KCNIP4: variants seen among roughly 807,000 people sequenced by gnomAD.
The protein encoded by KCNIP4 is potassium voltage-gated channel interacting protein 4.
A neutral mutation model predicts 34.0 loss-of-function variants in KCNIP4; 12 were observed. That is an observed-to-expected ratio of 0.35 (90% CI 0.23 to 0.57). The LOEUF (loss-of-function observed/expected upper bound fraction) is 0.57, where lower values mean the gene tolerates loss of function less well. KCNIP4 is among the 20% of genes least tolerant of loss of function. The probability of loss-of-function intolerance (pLI) is 0.83; values close to 1 mark genes in which losing one functional copy is unlikely to be tolerated. For missense variants in KCNIP4, 238 were observed against 311.7 expected, an observed-to-expected ratio of 0.76 and a Z score of 1.78; for synonymous variants, 124 against 102.2, an observed-to-expected ratio of 1.21 and a Z score of -1.29.
At chr4:21,553,295 C>T (rs1487970109) in intron 1 of KCNIP4, among the ~76,000 whole-genome samples, 1 of 152,102 alleles carries the variant, frequency 6.6e-6, no homozygotes, top group African/African-American at 2.4e-5. Context: ...GTGTTAATCT[C>T]CGTTCCGTAA....
intron 1 of KCNIP4, among the ~76,000 whole-genome samples, chr4:21,214,684 A>G (rs1277021405): frequency 1.3e-5 from 2 of 152,134 alleles, no homozygotes; most frequent in Non-Finnish European, 2.9e-5. Context: ...TATATGTTAA[A>G]CCTCTTAATA....
At chr4:21,443,232 GC>G (rs920193928) in intron 1 of KCNIP4, among the ~76,000 whole-genome samples, 82 of 152,118 alleles carry the variant, frequency 5.4e-4, no homozygotes, top group African/African-American at 1.9e-3. Flanking sequence ...TCTGTGCAGA[GC>G]CTCCACTAGC....
intron 1 of KCNIP4, among the ~76,000 whole-genome samples, chr4:21,620,687 A>T (rs935771592): frequency 1.2e-4 from 19 of 152,232 alleles, no homozygotes; most frequent in Non-Finnish European, 2.4e-4. Context: ...AATCAGCCCT[A>T]GCTAAGTTTC....
At chr4:20,998,145 TAATC>T (rs1737736609) in intron 1 of KCNIP4, among the ~76,000 whole-genome samples, 1 of 152,086 alleles carries the variant, frequency 6.6e-6, no homozygotes, top group Non-Finnish European at 1.5e-5. Context: ...AAAGAGCAAA[TAATC>T]AACCTTCCAG....
intron 5 of KCNIP4, among the ~76,000 whole-genome samples, chr4:20,743,894 A>T (rs1751777683): frequency 6.6e-6 from 1 of 151,992 alleles, no homozygotes; most frequent in Admixed American, 6.6e-5. Flanking sequence ...TAATATCCAG[A>T]ATCTACAAAG....
chr4:20,882,776 T>TA, intron 1 of KCNIP4, 67 bp from the exon 2 acceptor site: 1 of 1,281,056 alleles, frequency 7.8e-7, no homozygotes, highest in Non-Finnish European at 1.1e-6. Flanking sequence ...CTGCAGGGTT[T>TA]ATCAGAGAAG....
intron 1 of KCNIP4, among the ~76,000 whole-genome samples, chr4:20,917,195 G>T (rs914090486): frequency 6.6e-6 from 1 of 150,552 alleles, no homozygotes; most frequent in African/African-American, 2.4e-5. Flanking sequence ...CCACCACCAC[G>T]CCCAGCTAAT....
At chr4:21,142,172 CA>C (rs1752016108) in intron 1 of KCNIP4, among the ~76,000 whole-genome samples, 1 of 147,172 alleles carries the variant, frequency 6.8e-6, no homozygotes, top group Non-Finnish European at 1.5e-5. Flanking sequence ...AAAAAAAACC[CA>C]AAAAACAAAC....
chr4:21,143,544 A>G (rs769818900), intron 1 of KCNIP4, among the ~76,000 whole-genome samples: 1 of 151,272 alleles, frequency 6.6e-6, no homozygotes, highest in Non-Finnish European at 1.5e-5. Flanking sequence ...CCCAGTGGTA[A>G]AGGCAGCTGA....
intron 1 of KCNIP4, among the ~76,000 whole-genome samples, chr4:21,662,043 T>G (rs1748493992): frequency 6.6e-6 from 1 of 152,154 alleles, no homozygotes; most frequent in Non-Finnish European, 1.5e-5. Flanking sequence ...CCAAAGTGCC[T>G]TTTCAGAAAG....
intron 1 of KCNIP4, among the ~76,000 whole-genome samples, chr4:21,413,972 A>C (rs935359204): frequency 6.6e-6 from 1 of 152,214 alleles, no homozygotes; most frequent in Non-Finnish European, 1.5e-5. Flanking sequence ...TTTTATGTCC[A>C]TTCATTTATT....
chr4:21,352,859 C>T (rs1718160661), intron 1 of KCNIP4, among the ~76,000 whole-genome samples: 1 of 152,196 alleles, frequency 6.6e-6, no homozygotes. Context: ...AACTGGGAGA[C>T]ACCTCCCAGT....
intron 2 of KCNIP4, among the ~76,000 whole-genome samples, chr4:20,879,392 G>A (rs1724432416): frequency 6.6e-6 from 1 of 152,200 alleles, no homozygotes; most frequent in African/African-American, 2.4e-5. Context: ...TTGAAGCCAT[G>A]TGTGTTGCTT....
At chr4:20,898,719 A>G (rs1726829370) in intron 1 of KCNIP4, among the ~76,000 whole-genome samples, 2 of 152,218 alleles carry the variant, frequency 1.3e-5, no homozygotes, top group African/African-American at 2.4e-5. Flanking sequence ...GTAAACTGTA[A>G]GGATGTGGTT....
intron 1 of KCNIP4, among the ~76,000 whole-genome samples, chr4:21,519,821 A>G (rs1170810367): frequency 6.9e-6 from 1 of 144,728 alleles, no homozygotes. Flanking sequence ...GTGTGTGTAT[A>G]CACACGTGTG....
At chr4:21,040,621 C>G (rs1741870331) in intron 1 of KCNIP4, among the ~76,000 whole-genome samples, 1 of 152,102 alleles carries the variant, frequency 6.6e-6, no homozygotes, top group South Asian at 2.1e-4. Context: ...ATAAAACCTT[C>G]CTTCTTTACT....
intron 1 of KCNIP4, among the ~76,000 whole-genome samples, chr4:21,885,392 G>T (rs1726706617): frequency 6.6e-6 from 1 of 151,962 alleles, no homozygotes; most frequent in Non-Finnish European, 1.5e-5. Flanking sequence ...GTAGTATTTT[G>T]CTTCATTGTT....
intron 1 of KCNIP4, among the ~76,000 whole-genome samples, chr4:21,060,341 T>A (rs556972980): frequency 6.6e-6 from 1 of 151,746 alleles, no homozygotes; most frequent in East Asian, 1.9e-4. Flanking sequence ...GTAGATAATA[T>A]CTTGCGGTTA....
chr4:21,816,483 A>G (rs1316855715), intron 1 of KCNIP4, among the ~76,000 whole-genome samples: 2 of 152,286 alleles, frequency 1.3e-5, no homozygotes, highest in Middle Eastern at 3.4e-3. Context: ...CCACCAGGAG[A>G]ACTTCAAAAG....
Sources: allele counts gnomAD v4.1 joint callset (sites outside exome capture counted in the v4.1 genomes callset), GRCh38; gene constraint gnomAD v4.1.1; transcripts MANE v1.5; gene names NCBI Gene and HGNC (gene_info 2026-07-23, HGNC 2026-07-21).